PDE10A: variants seen among roughly 807,000 people sequenced by gnomAD.
PDE10A encodes phosphodiesterase 10A.
In PDE10A, 39 loss-of-function variants were observed where a neutral mutation model predicts 97.7. That is an observed-to-expected ratio of 0.40 (90% CI 0.31 to 0.52). PDE10A has a LOEUF of 0.52. Ranked by LOEUF, PDE10A falls within the 20% of genes least tolerant of loss-of-function variation. The pLI is 0.56. For synonymous variants in PDE10A, 371 were observed against 376.8 expected (o/e 0.98, Z 0.18); for missense variants, 731 against 1,047.8 (o/e 0.70, Z 4.17).
Position 165,331,791 on chromosome 6 carries a change from T to C in PDE10A, c.*1234A>G, listed in dbSNP as rs1215929146. On this transcript the variant is annotated 3_prime_UTR_variant, in exon 22 of 22. Transcript: ENST00000539869. The stretch of plus-strand genomic sequence containing the variant: ...TAGTAATACTGGTCAACCAAAAAGG[T>C]GTATAGAAGAAACCATCGAAACCCA... The C allele has an allele frequency of 6.6e-6, 1 of 152,096 alleles. No homozygotes were observed. Among genetic ancestry groups the C allele is most frequent in the African/African-American group, 2.4e-5 (1 of 41,402 alleles). 9.4% of individuals were successfully genotyped at this position (152,096 alleles called of 1,614,324 possible).
intron 1 of PDE10A, among the ~76,000 whole-genome samples, chr6:165,970,784 A>G (rs1784645041): frequency 1.3e-5 from 2 of 152,218 alleles, no homozygotes; most frequent in South Asian, 2.1e-4. Context: ...GAATTACAAC[A>G]ACAAAAACAG....
At chr6:165,860,201 C>A (rs958147723) in intron 1 of PDE10A, among the ~76,000 whole-genome samples, 1 of 152,132 alleles carries the variant, frequency 6.6e-6, no homozygotes, top group Non-Finnish European at 1.5e-5. Context: ...CGCCTGTAAT[C>A]CCAGCACTTT....
chr6:165,958,684 AAGAAAGAAAG>A (rs1441412406), intron 1 of PDE10A, among the ~76,000 whole-genome samples: 156 of 73,492 alleles, frequency 2.1e-3, no homozygotes, highest in Middle Eastern at 6.7e-3. Flanking sequence ...GAAGGAAGGA[AAGAAAGAAAG>A]AGAAAGAAAG....
At chr6:165,476,343 A>G (rs1779297891) in intron 3 of PDE10A, among the ~76,000 whole-genome samples, 1 of 152,188 alleles carries the variant, frequency 6.6e-6, no homozygotes, top group African/African-American at 2.4e-5. Context: ...CAACAGTATA[A>G]TAAGACAGAT....
chr6:165,443,635 G>A lies in PDE10A; in HGVS notation c.1194+5293C>T, dbSNP rs1790631926. Among the ~76,000 whole-genome samples the A allele has an allele frequency of 2.0e-5, 3 of 152,198 alleles. No homozygotes were observed. In the South Asian group the frequency reaches 6.2e-4, roughly 32 times the overall value. On this transcript the variant is annotated intron_variant, in intron 5 of 21. Transcript: ENST00000539869. ...GGACCAAATCCCACATTTCTCCTCTGCACTGCACTAGCAGAGGTTCTCCGT... is the reference window on the plus strand; with the variant it reads ...GGACCAAATCCCACATTTCTCCTCTACACTGCACTAGCAGAGGTTCTCCGT...
chr6:165,532,675 G>T (rs957218166), intron 2 of PDE10A, among the ~76,000 whole-genome samples: 4 of 152,018 alleles, frequency 2.6e-5, no homozygotes, highest in African/African-American at 4.8e-5. Context: ...AGCAAGTCTG[G>T]GGTGAGACCC....
At chr6:165,926,018 A>G (rs1030269942) in intron 1 of PDE10A, among the ~76,000 whole-genome samples, 2 of 152,224 alleles carry the variant, frequency 1.3e-5, no homozygotes, top group African/African-American at 4.8e-5. Context: ...ATTTTTTACA[A>G]TTGCATAAAA....
Position 165,783,993 on chromosome 6 carries a change from G to A in PDE10A, c.-615+203536C>T, listed in dbSNP as rs147529955. Among the ~76,000 whole-genome samples the A allele has an allele frequency of 2.8e-3, 428 of 152,264 alleles. 5 individuals carry two copies. Among genetic ancestry groups the A allele is most frequent in the African/African-American group, 9.7e-3 (404 of 41,558 alleles). On this transcript the variant is annotated intron_variant, in intron 1 of 19. Coordinates refer to the PDE10A transcript ENST00000366882. ...TCAGCACTTTGGGAGGCCAAGGCAG[G>A]TGGATCACGAGATCAGGAGTTCAAG...
At position 165,609,402 on chromosome 6, in the gene PDE10A, T is replaced by C. The variant is rs559282602; in HGVS notation, c.865+52545A>G. ...TTATGACAAACCACAGCCAATATCA[T>C]ACTGAATGGGCAAAAACTGGAAGCA... On this transcript the variant is annotated intron_variant, in intron 1 of 21. Coordinates refer to ENST00000539869, the MANE Select transcript of PDE10A (RefSeq NM_001385079.1). 7.2e-5 allele frequency among the ~76,000 whole-genome samples: 11 copies of C among 152,310 alleles called. No homozygotes were observed. In the East Asian group the frequency reaches 2.1e-3, roughly 29 times the overall value.
At chr6:165,580,466 G>A (rs1040376785) in intron 1 of PDE10A, among the ~76,000 whole-genome samples, 2 of 152,194 alleles carry the variant, frequency 1.3e-5, no homozygotes, top group African/African-American at 2.4e-5. Flanking sequence ...GAAAGGTCCT[G>A]ATTATATTCC....
intron 1 of PDE10A, among the ~76,000 whole-genome samples, chr6:165,941,362 A>G (rs1783511615): frequency 6.6e-6 from 1 of 152,160 alleles, no homozygotes; most frequent in African/African-American, 2.4e-5. Flanking sequence ...TGTTTTCAAG[A>G]GGTGGAGAGA....
rs551254086 is a variant in PDE10A at position 165,825,461 on chromosome 6, G to A, written c.-615+162068C>T. On this transcript the variant is annotated intron_variant, in intron 1 of 19. Transcript: ENST00000366882. ...ACTCCAATTTAGATCCCTGAAATAC[G>A]GCCCAGCCCTGCTGCGGTTCCTTGA... Among the ~76,000 whole-genome samples, 330 of 152,246 alleles carry A rather than the reference G, an allele frequency of 2.2e-3. 1 individual carries two copies. Among genetic ancestry groups the A allele is most frequent in the African/African-American group, 6.8e-3 (281 of 41,534 alleles).
At chr6:165,930,685 CAGAA>C (rs1783104422) in intron 1 of PDE10A, among the ~76,000 whole-genome samples, 1 of 152,222 alleles carries the variant, frequency 6.6e-6, no homozygotes, top group African/African-American at 2.4e-5. Flanking sequence ...AAGGAAGTGG[CAGAA>C]AGAAACAGAT....
chr6:165,767,053 A>T (rs969792296), intron 1 of PDE10A, among the ~76,000 whole-genome samples: 1 of 152,172 alleles, frequency 6.6e-6, no homozygotes, highest in African/African-American at 2.4e-5. Context: ...ATGAACAGAG[A>T]TGCTTTCTTG....
chr6:165,464,161 A>G (rs1023597891), intron 3 of PDE10A, among the ~76,000 whole-genome samples: 2 of 152,120 alleles, frequency 1.3e-5, no homozygotes, highest in African/African-American at 4.8e-5. Context: ...GGTCTCCCCA[A>G]CCGAGCTGGT....
At chr6:165,497,161 TTC>T (rs1166207709) in intron 2 of PDE10A, among the ~76,000 whole-genome samples, 17 of 152,222 alleles carry the variant, frequency 1.1e-4, no homozygotes, top group African/African-American at 3.9e-4. Context: ...AATCACTTTC[TTC>T]TCTGAGAGAT....
rs186604943 is a variant in PDE10A at position 165,844,437 on chromosome 6, G to C, written c.-615+143092C>G. 2.4e-3 allele frequency among the ~76,000 whole-genome samples: 365 copies of C among 152,242 alleles called. 2 individuals carry two copies. The highest frequency in any genetic ancestry group is 6.8e-3 in the Middle Eastern group (2 of 294). On this transcript the variant is annotated intron_variant, in intron 1 of 19. Transcript: ENST00000366882. ...TGCATAATATGCAAATTGATAATTG[G>C]TGAAATTTAATAGGGAGCACCTAAG... is the stretch of plus-strand genomic sequence containing the variant.
intron 1 of PDE10A, among the ~76,000 whole-genome samples, chr6:165,859,779 G>A (rs1780847488): frequency 6.6e-6 from 1 of 152,130 alleles, no homozygotes; most frequent in Non-Finnish European, 1.5e-5. Context: ...GGGAAGCTAT[G>A]TTTATCACAG....
At chr6:165,577,232 C>A (rs1361140278) in intron 1 of PDE10A, among the ~76,000 whole-genome samples, 1 of 152,212 alleles carries the variant, frequency 6.6e-6, no homozygotes, top group East Asian at 1.9e-4. Flanking sequence ...CAGCCCCATG[C>A]CAGCGTACAG....
Sources: gnomAD v4.1 joint callset for allele counts (sites outside exome capture counted in the v4.1 genomes callset) on GRCh38, gnomAD v4.1.1 for gene constraint, MANE v1.5 for transcripts, NCBI Gene and HGNC (gene_info 2026-07-23, HGNC 2026-07-21) for gene names.